USP34: variants seen among roughly 807,000 people sequenced by gnomAD.
USP34 encodes ubiquitin specific peptidase 34.
In USP34, 70 loss-of-function variants were observed where a neutral mutation model predicts 460.3. That is an observed-to-expected ratio of 0.15 (90% CI 0.13 to 0.19). The LOEUF (loss-of-function observed/expected upper bound fraction) is 0.19. USP34 is among the 10% of genes least tolerant of loss of function. USP34 has a pLI of 1.00. For missense variants in USP34, 3,985 were observed against 4,236.2 expected, an observed-to-expected ratio of 0.94 and a Z score of 1.65; for synonymous variants, 1,647 against 1,405.3, an observed-to-expected ratio of 1.17 and a Z score of -3.85.
In USP34 at chr2:61,333,860, CTTTT is replaced by C. The variant is rs762485545; in HGVS notation, c.2834+18_2834+21del. 1 of 1,435,996 alleles carries C rather than the reference CTTTT, an allele frequency of 7.0e-7. No homozygotes were observed. Among genetic ancestry groups the C allele is most frequent in the Middle Eastern group, 2.3e-4 (1 of 4,344 alleles). 89.0% of individuals were successfully genotyped at this position (1,435,996 alleles called of 1,614,324 possible). ...TAGAAAAAAATCTTTAAAATAAATA[CTTTT>C]TTCTTTTATTTACTTACATTGTTAT... On this transcript the variant is annotated intron_variant, in intron 19 of 79. Coordinates refer to ENST00000398571, the MANE Select transcript of USP34 (RefSeq NM_014709.4).
intron 21 of USP34, among the ~76,000 whole-genome samples, chr2:61,320,023 G>C (rs1690867571): frequency 6.6e-6 from 1 of 152,026 alleles, no homozygotes; most frequent in Non-Finnish European, 1.5e-5. Flanking sequence ...AGGACTAAAT[G>C]GTTACAAATT....
intron 47 of USP34, 108 bp from the exon 48 acceptor site, chr2:61,256,586 T>C: frequency 1.2e-6 from 1 of 827,640 alleles, no homozygotes; most frequent in Non-Finnish European, 1.8e-6. Context: ...AAAAATTTTT[T>C]TTTTAAAAGT....
intron 7 of USP34, 103 bp downstream of exon 7, chr2:61,380,066 T>G (rs1205014470): frequency 1.1e-6 from 1 of 935,536 alleles, no homozygotes; most frequent in African/African-American, 1.7e-5. Context: ...ATAAAATACT[T>G]AGCACAATGC....
intron 75 of USP34, among the ~76,000 whole-genome samples, chr2:61,196,451 G>C (rs778449975): frequency 1.3e-5 from 2 of 151,742 alleles, no homozygotes; most frequent in Non-Finnish European, 2.9e-5. Context: ...TCTCCCATTC[G>C]TGAGCTCAAG....
intron 53 of USP34, among the ~76,000 whole-genome samples, chr2:61,238,318 C>A (rs1688132295): frequency 6.6e-6 from 1 of 152,192 alleles, no homozygotes; most frequent in Non-Finnish European, 1.5e-5. Flanking sequence ...CTCTGTCCTT[C>A]CTAGGCAATT....
intron 29 of USP34, among the ~76,000 whole-genome samples, chr2:61,298,572 A>AAAAAAAAAAAAAAAAAAAAAAC (rs1690115222): frequency 7.7e-6 from 1 of 130,154 alleles, no homozygotes; most frequent in Non-Finnish European, 1.7e-5. Context: ...AAAAAAAAAA[A>AAAAAAAAAAAAAAAAAAAAAAC]TCTGCTGAAA....
intron 75 of USP34, among the ~76,000 whole-genome samples, chr2:61,202,893 G>T (rs1255834045): frequency 6.6e-6 from 1 of 152,100 alleles, no homozygotes; most frequent in Non-Finnish European, 1.5e-5. Flanking sequence ...TCTATGTACA[G>T]AAGTGATCAG....
intron 1 of USP34, among the ~76,000 whole-genome samples, chr2:61,432,622 T>G (rs1485537212): frequency 2.0e-5 from 3 of 152,186 alleles, no homozygotes; most frequent in African/African-American, 7.2e-5. Flanking sequence ...TTAAAATTTT[T>G]AAATGCTAAA....
At chr2:61,412,287 A>C (rs548575389) in intron 2 of USP34, among the ~76,000 whole-genome samples, 2 of 33,122 alleles carry the variant, frequency 6.0e-5, no homozygotes, top group East Asian at 3.0e-3. Flanking sequence ...TACAAAAAGG[A>C]AAAAAAGATT....
At chr2:61,325,331 A>G in intron 21 of USP34, 44 bp downstream of exon 21, 3 of 1,310,282 alleles carry the variant, frequency 2.3e-6, no homozygotes, top group Non-Finnish European at 3.1e-6. Context: ...AGTTCTTCCA[A>G]TAGTCAAAAC....
intron 76 of USP34, 170 bp from the exon 77 acceptor site, chr2:61,190,828 G>A: frequency 1.4e-6 from 1 of 721,004 alleles, no homozygotes; most frequent in Non-Finnish European, 2.1e-6. Flanking sequence ...TTAGTTAACA[G>A]CAACTATTTT....
intron 8 of USP34, among the ~76,000 whole-genome samples, chr2:61,375,369 T>C (rs1692760216): frequency 2.0e-5 from 3 of 152,180 alleles, no homozygotes; most frequent in South Asian, 2.1e-4. Context: ...AAACTAATCA[T>C]ATAAGCAACA....
chr2:61,220,190 AC>A, intron 67 of USP34, 119 bp downstream of exon 67: 1 of 623,510 alleles, frequency 1.6e-6, no homozygotes, highest in Non-Finnish European at 2.4e-6. Context: ...AAAGGAAATA[AC>A]ATCTCCAAGA....
chr2:61,367,256 G>T (rs977665435), intron 10 of USP34, among the ~76,000 whole-genome samples: 1 of 152,194 alleles, frequency 6.6e-6, no homozygotes, highest in Admixed American at 6.5e-5. Context: ...AGCAGTATGC[G>T]ACACTGTCTT....
At chr2:61,436,658 T>C (rs184350515) in intron 1 of USP34, among the ~76,000 whole-genome samples, 1 of 152,148 alleles carries the variant, frequency 6.6e-6, no homozygotes, top group East Asian at 1.9e-4. Flanking sequence ...CAAAGAAACA[T>C]AGTTTTCAAC....
intron 2 of USP34, among the ~76,000 whole-genome samples, chr2:61,418,019 G>A (rs1460029525): frequency 6.6e-6 from 1 of 151,262 alleles, no homozygotes; most frequent in African/African-American, 2.4e-5. Flanking sequence ...GGGATTACAG[G>A]CATGAGCCAT....
chr2:61,321,618 T>C (rs953228736), intron 21 of USP34, among the ~76,000 whole-genome samples: 3 of 152,224 alleles, frequency 2.0e-5, no homozygotes, highest in Admixed American at 6.5e-5. Flanking sequence ...GGAGATATCT[T>C]ACAGCCTTTT....
intron 63 of USP34, 39 bp downstream of exon 63, chr2:61,223,209 T>C: frequency 6.2e-7 from 1 of 1,613,566 alleles, no homozygotes. Flanking sequence ...TTATTATTTT[T>C]GTGATGATCA....
intron 58 of USP34, among the ~76,000 whole-genome samples, chr2:61,231,034 T>C (rs1427477724): frequency 6.6e-6 from 1 of 152,214 alleles, no homozygotes; most frequent in Admixed American, 6.5e-5. Flanking sequence ...AAATGTGGAC[T>C]ATATACATTT....
Sources: allele counts gnomAD v4.1 joint callset (sites outside exome capture counted in the v4.1 genomes callset), GRCh38; gene constraint gnomAD v4.1.1; transcripts MANE v1.5; gene names NCBI Gene and HGNC (gene_info 2026-07-23, HGNC 2026-07-21).